ITPRID1: variants seen among roughly 807,000 people sequenced by gnomAD.
The protein encoded by ITPRID1 is protein ITPRID1.
Under a neutral mutation model 95.4 loss-of-function variants are expected in ITPRID1, and 96 were observed. The observed-to-expected ratio is 1.01, with a 90% CI of 0.85 to 1.19. The LOEUF is 1.19. Ranked by LOEUF, ITPRID1 falls within the 50% of genes most tolerant of loss-of-function variation. The probability of loss-of-function intolerance (pLI) is 0.00; values close to 1 mark genes in which losing one functional copy is unlikely to be tolerated. For missense variants in ITPRID1, 1,339 were observed against 1,252.9 expected, an observed-to-expected ratio of 1.07 and a Z score of -1.04; for synonymous variants, 510 against 453.6, an observed-to-expected ratio of 1.12 and a Z score of -1.58.
chr7:31,630,361 C>T (rs1788886366), intron 10 of ITPRID1, among the ~76,000 whole-genome samples: 1 of 151,824 alleles, frequency 6.6e-6, no homozygotes, highest in African/African-American at 2.4e-5. Flanking sequence ...ACTTAAGTCT[C>T]TGAGATAACA....
At chr7:31,519,614 CTCTCTCTA>C (rs1250544984) in intron 1 of ITPRID1, among the ~76,000 whole-genome samples, 450 of 43,074 alleles carry the variant, frequency 0.01, 3 homozygotes, top group South Asian at 0.019. Flanking sequence ...CTCTCTCTCT[CTCTCTCTA>C]TATATATATA....
chr7:31,520,515 T>TTGTGTGTGTG (rs57709822), intron 1 of ITPRID1, among the ~76,000 whole-genome samples: 20 of 135,560 alleles, frequency 1.5e-4, no homozygotes, highest in Admixed American at 7.3e-4. Context: ...TACCACATCA[T>TTGTGTGTGTG]TGTGTGTGTG....
At chr7:31,649,833 T>C (rs1790794006) in intron 12 of ITPRID1, among the ~76,000 whole-genome samples, 2 of 152,166 alleles carry the variant, frequency 1.3e-5, no homozygotes, top group South Asian at 2.1e-4. Context: ...CAAAGGTAAA[T>C]AGCTTTAGTT....
At chr7:31,622,738 G>C (rs1788035279) in intron 10 of ITPRID1, among the ~76,000 whole-genome samples, 1 of 151,970 alleles carries the variant, frequency 6.6e-6, no homozygotes, top group African/African-American at 2.4e-5. Context: ...GCTAACAGAA[G>C]GCAAGAAATA....
intron 10 of ITPRID1, among the ~76,000 whole-genome samples, chr7:31,616,899 G>A (rs371818745): frequency 7.2e-5 from 11 of 151,980 alleles, no homozygotes; most frequent in African/African-American, 2.4e-4. Flanking sequence ...CTTACTTTTT[G>A]CCTTCTTGGT....
intron 1 of ITPRID1, among the ~76,000 whole-genome samples, chr7:31,527,201 C>T (rs1198115988): frequency 6.6e-6 from 1 of 152,168 alleles, no homozygotes; most frequent in African/African-American, 2.4e-5. Flanking sequence ...TTTACTTACT[C>T]ATACTTTATG....
At chr7:31,585,652 A>G (rs1255378383) in intron 10 of ITPRID1, among the ~76,000 whole-genome samples, 1 of 152,100 alleles carries the variant, frequency 6.6e-6, no homozygotes, top group South Asian at 2.1e-4. Context: ...TACTAACATG[A>G]TAAGGTAAAA....
intron 10 of ITPRID1, among the ~76,000 whole-genome samples, chr7:31,592,138 G>A (rs1337760423): frequency 6.6e-6 from 1 of 152,154 alleles, no homozygotes; most frequent in Non-Finnish European, 1.5e-5. Flanking sequence ...GCAGTATAAT[G>A]TCACTCTCAA....
chr7:31,595,737 G>C (rs949251818), intron 10 of ITPRID1, among the ~76,000 whole-genome samples: 6 of 151,884 alleles, frequency 4.0e-5, no homozygotes, highest in Non-Finnish European at 5.9e-5. Flanking sequence ...TTAGAAGTTA[G>C]ACATTAATAA....
At chr7:31,584,850 A>G (rs1010595557) in intron 10 of ITPRID1, among the ~76,000 whole-genome samples, 1 of 152,230 alleles carries the variant, frequency 6.6e-6, no homozygotes, top group Non-Finnish European at 1.5e-5. Flanking sequence ...ACTTCATTTT[A>G]AAGATGAAAG....
intron 10 of ITPRID1, among the ~76,000 whole-genome samples, chr7:31,641,917 T>A (rs1444275848): frequency 6.6e-6 from 1 of 152,238 alleles, no homozygotes; most frequent in African/African-American, 2.4e-5. Context: ...TATTGTTATT[T>A]GGTTTTGAGA....
chr7:31,548,379 A>C (rs1403586032), intron 1 of ITPRID1, among the ~76,000 whole-genome samples: 2 of 152,168 alleles, frequency 1.3e-5, no homozygotes, highest in Non-Finnish European at 2.9e-5. Context: ...CAGAGGAAAC[A>C]AGGTCTGGAA....
downstream of ITPRID1, chr7:31,656,563 A>G (rs773590976): frequency 2.6e-5 from 20 of 767,142 alleles, no homozygotes; most frequent in Non-Finnish European, 2.5e-5. Context: ...CACACAGAAT[A>G]TTACCTACCG....
intron 10 of ITPRID1, among the ~76,000 whole-genome samples, chr7:31,601,538 A>T (rs1786392517): frequency 6.6e-6 from 1 of 152,170 alleles, no homozygotes; most frequent in Admixed American, 6.5e-5. Flanking sequence ...GTGATTAAAT[A>T]ACAAAATTGC....
At chr7:31,561,163 G>T (rs1260125864) in intron 5 of ITPRID1, among the ~76,000 whole-genome samples, 1 of 152,136 alleles carries the variant, frequency 6.6e-6, no homozygotes, top group African/African-American at 2.4e-5. Context: ...TTTCAAGTGG[G>T]AATGATAGTA....
chr7:31,556,434 T>G (rs1784448330), intron 5 of ITPRID1, among the ~76,000 whole-genome samples: 1 of 152,136 alleles, frequency 6.6e-6, no homozygotes, highest in Non-Finnish European at 1.5e-5. Context: ...ATGAGGAATC[T>G]GGGGCACAGA....
intron 10 of ITPRID1, among the ~76,000 whole-genome samples, chr7:31,594,769 A>C (rs1370435330): frequency 6.6e-6 from 1 of 152,096 alleles, no homozygotes; most frequent in Non-Finnish European, 1.5e-5. Flanking sequence ...AGGCAGAAGA[A>C]TCGCTCGAAC....
chr7:31,654,478 A>G lies in ITPRID1; in HGVS notation c.*1649A>G, dbSNP rs1791197624. On this transcript the variant is annotated 3_prime_UTR_variant, in exon 15 of 15. Coordinates refer to ENST00000615280, the MANE Select transcript of ITPRID1 (RefSeq NM_001257967.3). ...TTAAGCAGGGTCGTCATATAATCTG[A>G]TTTACGTTTTGAAGTCATGCTGGCT... 6.6e-6 allele frequency among the ~76,000 whole-genome samples: 1 copy of G among 152,128 alleles called. No individual in the cohort carries two copies. The highest frequency in any genetic ancestry group is 2.4e-5 in the African/African-American group (1 of 41,436).
At chr7:31,597,035 A>G (rs1178135495) in intron 10 of ITPRID1, among the ~76,000 whole-genome samples, 2 of 151,838 alleles carry the variant, frequency 1.3e-5, no homozygotes, top group African/African-American at 2.4e-5. Flanking sequence ...AAAACATAAT[A>G]TTAAAAGATG....
Sources: allele counts gnomAD v4.1 joint callset (sites outside exome capture counted in the v4.1 genomes callset), GRCh38; gene constraint gnomAD v4.1.1; transcripts MANE v1.5; gene names NCBI Gene and HGNC (gene_info 2026-07-23, HGNC 2026-07-21).